Variants in WFDC1 observed in about 807,000 individuals in gnomAD.
WFDC1 encodes the protein WAP four-disulfide core domain protein 1.
In WFDC1, 39 loss-of-function variants were observed where a neutral mutation model predicts 32.9. The observed-to-expected ratio is 1.19, with a 90% CI of 0.92 to 1.55. The LOEUF (loss-of-function observed/expected upper bound fraction) is 1.55, where lower values mean the gene tolerates loss of function less well. Among genes scored for constraint, WFDC1 ranks in the 40% most tolerant of loss-of-function variants. The pLI is 0.00. For synonymous variants in WFDC1, 184 were observed against 137.4 expected (o/e 1.34, Z -2.37); for missense variants, 386 against 309.5 (o/e 1.25, Z -1.85).
intron 1 of WFDC1, among the ~76,000 whole-genome samples, chr16:84,306,858 C>G (rs1907293650): frequency 6.6e-6 from 1 of 152,142 alleles, no homozygotes; most frequent in Non-Finnish European, 1.5e-5. Flanking sequence ...TTCTACGAGC[C>G]AGGGACACAG....
At chr16:84,298,899 G>C (rs1037864630) in intron 1 of WFDC1, among the ~76,000 whole-genome samples, 1 of 152,220 alleles carries the variant, frequency 6.6e-6, no homozygotes, top group Non-Finnish European at 1.5e-5. Context: ...AAGACCTTCA[G>C]GAGTTTCCTT....
chr16:84,327,151 C>T (rs536804786), intron 6 of WFDC1, 196 bp downstream of exon 6: 33 of 599,960 alleles, frequency 5.5e-5, no homozygotes, highest in African/African-American at 4.8e-4. Flanking sequence ...TTAAATGCAA[C>T]GACATACTAT....
At chr16:84,295,882 T>G (rs1352001052) in intron 1 of WFDC1, 2 of 152,416 alleles carry the variant, frequency 1.3e-5, no homozygotes, top group Admixed American at 1.3e-4. Flanking sequence ...CGCCACTGTT[T>G]ACCAGGTACT....
chr16:84,320,428 C>T (rs1298433248), intron 4 of WFDC1, among the ~76,000 whole-genome samples: 1 of 152,204 alleles, frequency 6.6e-6, no homozygotes, highest in African/African-American at 2.4e-5. Flanking sequence ...AGAACTTCTG[C>T]CAGGACTGTT....
chr16:84,309,833 G>A (rs12918617), intron 1 of WFDC1, among the ~76,000 whole-genome samples: 15,329 of 145,776 alleles, frequency 0.11, 964 homozygotes, highest in Non-Finnish European at 0.15. Flanking sequence ...GTGTGTGTGC[G>A]TGCGTGTGTA....
At chr16:84,326,665 G>C in intron 5 of WFDC1, 1 of 553,040 alleles carries the variant, frequency 1.8e-6, no homozygotes, top group Non-Finnish European at 3.3e-6. Flanking sequence ...GAGGTGGTGG[G>C]AGGTAAGACC....
chr16:84,324,364 A>C, intron 4 of WFDC1, 55 bp from the exon 5 acceptor site: 1 of 1,511,874 alleles, frequency 6.6e-7, no homozygotes, highest in Non-Finnish European at 9.2e-7. Context: ...TTATGACAAC[A>C]GTTTTGGCCT....
At chr16:84,320,241 G>A (rs1908228792) in intron 4 of WFDC1, among the ~76,000 whole-genome samples, 1 of 152,216 alleles carries the variant, frequency 6.6e-6, no homozygotes, top group Non-Finnish European at 1.5e-5. Context: ...CACAGTTAAG[G>A]TAGGCTCGGC....
intron 2 of WFDC1, 114 bp downstream of exon 2, chr16:84,313,267 CG>C (rs1907754425): frequency 9.7e-7 from 1 of 1,033,994 alleles, no homozygotes; most frequent in Non-Finnish European, 1.2e-6. Context: ...GGGCGGGTCT[CG>C]GGCGCCTCCA....
intron 1 of WFDC1, among the ~76,000 whole-genome samples, chr16:84,297,286 C>T (rs1216675324): frequency 6.6e-6 from 1 of 152,158 alleles, no homozygotes; most frequent in Non-Finnish European, 1.5e-5. Flanking sequence ...ATATTGGCCT[C>T]CTTCCTCAGC....
At position 84,302,731 on chromosome 16, in the gene WFDC1, T is replaced by C. The variant is rs1055749166; in HGVS notation, c.144+7616T>C. Among the ~76,000 whole-genome samples the C allele has an allele frequency of 3.9e-5, 6 of 152,222 alleles. 1 individual carries two copies. The East Asian group carries it at 9.6e-4, about 24-fold the overall frequency. On this transcript the variant is annotated intron_variant, in intron 1 of 6. Coordinates refer to ENST00000219454, the MANE Select transcript of WFDC1 (RefSeq NM_021197.4). ...CAAAAAGCAATTCGTTCGCCTTATC[T>C]GTGTGCTGTTGTGTGTGGTGTCTCT...
At chr16:84,320,762 A>T (rs537647011) in intron 4 of WFDC1, among the ~76,000 whole-genome samples, 2 of 152,262 alleles carry the variant, frequency 1.3e-5, no homozygotes, top group East Asian at 3.9e-4. Context: ...TCGGCATCTC[A>T]TAGCCCTAAT....
At chr16:84,319,913 TGACTGAAATCATAAGTGCA>T (rs1200911928) in intron 4 of WFDC1, among the ~76,000 whole-genome samples, 1 of 152,162 alleles carries the variant, frequency 6.6e-6, no homozygotes, top group Non-Finnish European at 1.5e-5. Context: ...TTGTGGGGCG[TGACTGAAATCATAAGTGCA>T]GAGCAGTCGG....
At position 84,312,984 on chromosome 16, in the gene WFDC1, C is replaced by A. The variant is rs1015783138; in HGVS notation, c.168C>A (p.Gly56=). Residue 56 remains glycine (G), a synonymous_variant, in exon 2 of 7, where the codon GGC becomes GGA. Transcript: ENST00000219454. ...AGGCCGAGGAGGCGGGCGCGCCCGG[C>A]GGCCCCCGGCAGCCCCGAGCAGACC... ...KSRAEEAGAP[G]GPRQPRADRC... 3 of 1,181,404 alleles carry A rather than the reference C, an allele frequency of 2.5e-6. No individual in the cohort carries two copies. The highest frequency in any genetic ancestry group is 9.1e-5 in the Admixed American group (2 of 21,948). 73.2% of individuals were successfully genotyped at this position (1,181,404 alleles called of 1,614,324 possible).
chr16:84,313,269 G>A (rs1015686882), intron 2 of WFDC1, 116 bp downstream of exon 2: 2 of 1,036,284 alleles, frequency 1.9e-6, no homozygotes, highest in South Asian at 3.5e-5. Flanking sequence ...GCGGGTCTCG[G>A]GCGCCTCCAC....
chr16:84,311,333 C>A (rs934539898), intron 1 of WFDC1, among the ~76,000 whole-genome samples: 1 of 150,944 alleles, frequency 6.6e-6, no homozygotes, highest in African/African-American at 2.4e-5. Flanking sequence ...CAAGCTCCGA[C>A]TCCCAGGTCC....
At chr16:84,317,003 G>A (rs1235761452) in intron 2 of WFDC1, 3 of 149,076 alleles carry the variant, frequency 2.0e-5, no homozygotes, top group African/African-American at 4.9e-5. Flanking sequence ...AAAAAATACA[G>A]ACTTACAGTC....
At chr16:84,322,715 G>T (rs565299643) in intron 4 of WFDC1, among the ~76,000 whole-genome samples, 4 of 152,300 alleles carry the variant, frequency 2.6e-5, no homozygotes, top group African/African-American at 9.6e-5. Context: ...CCAGGCATTT[G>T]AGGGGTTCAC....
At chr16:84,308,688 C>T (rs115236606) in intron 1 of WFDC1, among the ~76,000 whole-genome samples, 56 of 151,832 alleles carry the variant, frequency 3.7e-4, no homozygotes, top group African/African-American at 1.1e-3. Flanking sequence ...TGGGTGTAGA[C>T]GCCATCCTTG....
Sources: gnomAD v4.1 joint callset for allele counts (sites outside exome capture counted in the v4.1 genomes callset) on GRCh38, gnomAD v4.1.1 for gene constraint, MANE v1.5 for transcripts, NCBI Gene and HGNC (gene_info 2026-07-23, HGNC 2026-07-21) for gene names.